Variants in EXOC4 observed in about 807,000 individuals in gnomAD.
The protein encoded by EXOC4 is SEC8-like 1.
In EXOC4, 71 loss-of-function variants were observed where a neutral mutation model predicts 107.2. That is an observed-to-expected ratio of 0.66 (90% CI 0.55 to 0.81). The LOEUF (loss-of-function observed/expected upper bound fraction) is 0.81. EXOC4 is among the 30% of genes least tolerant of loss of function. The probability of loss-of-function intolerance (pLI) is 0.00; values close to 1 mark genes in which losing one functional copy is unlikely to be tolerated. For missense variants in EXOC4, 1,108 were observed against 1,189.6 expected (o/e 0.93, Z 1.01); for synonymous variants, 456 against 441.2 (o/e 1.03, Z -0.42).
At chr7:133,488,441 G>T (rs997066805) in intron 9 of EXOC4, among the ~76,000 whole-genome samples, 1 of 152,088 alleles carries the variant, frequency 6.6e-6, no homozygotes, top group Non-Finnish European at 1.5e-5. Context: ...TCCTTCCTCT[G>T]TGTGGGCACC....
intron 11 of EXOC4, among the ~76,000 whole-genome samples, chr7:133,852,565 C>T (rs1033756968): frequency 1.3e-5 from 2 of 152,070 alleles, no homozygotes; most frequent in African/African-American, 4.8e-5. Flanking sequence ...TCTGCTAATC[C>T]TGTAGGAAAA....
At chr7:133,946,113 C>T (rs902755217) in intron 14 of EXOC4, among the ~76,000 whole-genome samples, 1 of 152,222 alleles carries the variant, frequency 6.6e-6, no homozygotes, top group Non-Finnish European at 1.5e-5. Flanking sequence ...GCCTACCTTA[C>T]ATGTTTAGTT....
chr7:133,396,097 T>C (rs1206342065), intron 7 of EXOC4: 1 of 152,158 alleles, frequency 6.6e-6, no homozygotes, highest in East Asian at 1.9e-4. Flanking sequence ...AGGAACTAGT[T>C]AGAAATGCAG....
Position 133,604,706 on chromosome 7 carries a change from C to CTTTTTTTTTTTTTTTTTTTTTTTTTTTTT in EXOC4, c.1418-25336_1418-25335insTTTTTTTTTTTTTTTTTTTTTTTTTTTTT, listed in dbSNP as rs1554477961. Among the ~76,000 whole-genome samples, 35 of 87,532 alleles carry CTTTTTTTTTTTTTTTTTTTTTTTTTTTTT rather than the reference C, an allele frequency of 4.0e-4. 9 individuals carry two copies. The highest frequency in any genetic ancestry group is 5.4e-4 in the Non-Finnish European group (24 of 44,060). The allele number at this position is 87,532 out of a possible 152,430, so 57.4% of individuals were successfully genotyped here. A position where few individuals can be genotyped will look rare whatever the true frequency, so the allele number is the denominator to read the frequency against. On this transcript the variant is annotated intron_variant, in intron 9 of 17. Transcript: ENST00000253861. ...TTTTTCTTTCCTTCCTTCCTTCCTT[C>CTTTTTTTTTTTTTTTTTTTTTTTTTTTTT]TTTCTTTTTTTTTTTTTTTTTTTTT... is the stretch of plus-strand genomic sequence containing the variant.
At chr7:133,598,697 A>G (rs1183072546) in intron 9 of EXOC4, among the ~76,000 whole-genome samples, 1 of 152,140 alleles carries the variant, frequency 6.6e-6, no homozygotes, top group African/African-American at 2.4e-5. Flanking sequence ...ATAAAATGCA[A>G]ACTGGGCCGG....
chr7:133,770,657 G>A (rs1437890779), intron 10 of EXOC4, among the ~76,000 whole-genome samples: 2 of 151,628 alleles, frequency 1.3e-5, no homozygotes, highest in Non-Finnish European at 2.9e-5. Context: ...ATCTAGCTGG[G>A]GAAACTTACA....
chr7:133,491,276 A>G (rs1389190364), intron 9 of EXOC4, among the ~76,000 whole-genome samples: 1 of 152,242 alleles, frequency 6.6e-6, no homozygotes, highest in African/African-American at 2.4e-5. Flanking sequence ...CATCTACTGA[A>G]TTGCAGCCAG....
chr7:133,792,100 C>T (rs920409525), intron 10 of EXOC4, among the ~76,000 whole-genome samples: 2 of 151,996 alleles, frequency 1.3e-5, no homozygotes, highest in Non-Finnish European at 2.9e-5. Flanking sequence ...CAGTTTTACT[C>T]GTGGCATCGG....
intron 11 of EXOC4, among the ~76,000 whole-genome samples, chr7:133,857,907 G>A (rs747573246): frequency 2.0e-5 from 3 of 152,068 alleles, no homozygotes; most frequent in South Asian, 2.1e-4. Flanking sequence ...CAGTCCCACC[G>A]CCTCACTCTG....
intron 17 of EXOC4, among the ~76,000 whole-genome samples, chr7:134,048,298 G>A (rs193133090): frequency 6.6e-6 from 1 of 152,196 alleles, no homozygotes; most frequent in Non-Finnish European, 1.5e-5. Context: ...GAATCTTGTA[G>A]GTAATTTTTT....
chr7:133,421,881 T>C (rs1326349171), intron 7 of EXOC4, among the ~76,000 whole-genome samples: 9 of 152,206 alleles, frequency 5.9e-5, no homozygotes, highest in Admixed American at 5.9e-4. Flanking sequence ...TTTTTCAGGA[T>C]ACTTTAGAAA....
chr7:133,436,678 G>A (rs770565529), intron 7 of EXOC4, among the ~76,000 whole-genome samples: 1 of 152,088 alleles, frequency 6.6e-6, no homozygotes, highest in Admixed American at 6.6e-5. Context: ...TCGTGTGTAC[G>A]AGCCAGTGGC....
intron 7 of EXOC4, among the ~76,000 whole-genome samples, chr7:133,394,064 G>A (rs914302263): frequency 1.3e-5 from 2 of 152,134 alleles, no homozygotes; most frequent in Admixed American, 6.5e-5. Context: ...ATGAAATGAT[G>A]TCATGAAATA....
chr7:133,354,718 C>T (rs1795986488), intron 5 of EXOC4, among the ~76,000 whole-genome samples: 1 of 152,126 alleles, frequency 6.6e-6, no homozygotes, highest in South Asian at 2.1e-4. Flanking sequence ...TCTTTTTGCC[C>T]ACCCTGTCTT....
In EXOC4 at chr7:133,480,067, A is replaced by T. The variant is rs199516005; in HGVS notation, c.1346A>T (p.His449Leu). 6.2e-7 allele frequency: 1 copy of T among 1,613,968 alleles called. No individual in the cohort carries two copies. Among genetic ancestry groups the T allele is most frequent in the East Asian group, 2.2e-5 (1 of 44,870 alleles). ...NSLFKFESSS[H>L]AISMSAYLRE... ...CTCTGCAGGTTCGAATCGTCCTCCC[A>T]TGCCATCAGTATGAGCGCCTATCTG... The change falls in exon 9 of 18, where the codon CAT becomes CTT. Residue 449 changes from histidine to leucine, a missense_variant. His to Leu is a moderately conservative substitution (Grantham distance 99). Transcript: ENST00000253861.
chr7:133,257,993 C>A (rs145749660), intron 1 of EXOC4, among the ~76,000 whole-genome samples: 2 of 152,120 alleles, frequency 1.3e-5, no homozygotes, highest in Non-Finnish European at 2.9e-5. Context: ...TGTTCTGAGC[C>A]GAGTCTTGGA....
intron 10 of EXOC4, among the ~76,000 whole-genome samples, chr7:133,779,752 G>A (rs1796421998): frequency 6.6e-6 from 1 of 152,146 alleles, no homozygotes; most frequent in African/African-American, 2.4e-5. Flanking sequence ...AGACCAATCA[G>A]CAGCCTGTAA....
At chr7:133,709,283 G>C (rs1021573935) in intron 10 of EXOC4, among the ~76,000 whole-genome samples, 1 of 152,198 alleles carries the variant, frequency 6.6e-6, no homozygotes, top group African/African-American at 2.4e-5. Context: ...TAGGACGTAG[G>C]AGATGACATC....
At chr7:133,550,059 A>G (rs902500039) in intron 9 of EXOC4, among the ~76,000 whole-genome samples, 1 of 152,166 alleles carries the variant, frequency 6.6e-6, no homozygotes, top group Admixed American at 6.6e-5. Context: ...TCTCTAAAGT[A>G]TATTTTTGTA....
Sources: gnomAD v4.1 joint callset for allele counts (sites outside exome capture counted in the v4.1 genomes callset) on GRCh38, gnomAD v4.1.1 for gene constraint, MANE v1.5 for transcripts, NCBI Gene and HGNC (gene_info 2026-07-23, HGNC 2026-07-21) for gene names.